Variants in NLK observed in about 807,000 individuals in gnomAD.
NLK encodes serine/threonine-protein kinase NLK.
A neutral mutation model predicts 59.0 loss-of-function variants in NLK; 11 were observed. The observed-to-expected ratio is 0.19, with a 90% CI of 0.12 to 0.31. The LOEUF is 0.31. Ranked by LOEUF, NLK falls within the 10% of genes least tolerant of loss-of-function variation. The pLI is 1.00. For synonymous variants in NLK, 235 were observed against 235.9 expected (o/e 1.00, Z 0.03); for missense variants, 410 against 661.1 (o/e 0.62, Z 4.16).
intron 5 of NLK, among the ~76,000 whole-genome samples, chr17:28,166,222 A>G (rs1429238067): frequency 6.6e-6 from 1 of 152,178 alleles, no homozygotes; most frequent in African/African-American, 2.4e-5. Flanking sequence ...CAAAAAATAT[A>G]TATATATATA....
intron 1 of NLK, among the ~76,000 whole-genome samples, chr17:28,061,651 C>A (rs1309664392): frequency 6.6e-6 from 1 of 151,216 alleles, no homozygotes; most frequent in East Asian, 1.9e-4. Flanking sequence ...ACAAAGAGGT[C>A]ATTTTGTCTG....
At chr17:28,046,292 G>A (rs1327935201) in intron 1 of NLK, among the ~76,000 whole-genome samples, 1 of 152,188 alleles carries the variant, frequency 6.6e-6, no homozygotes, top group Non-Finnish European at 1.5e-5. Flanking sequence ...TAAAAGTAGT[G>A]AATTACTCAT....
At chr17:28,165,359 T>C (rs1301665826) in intron 5 of NLK, among the ~76,000 whole-genome samples, 1 of 152,186 alleles carries the variant, frequency 6.6e-6, no homozygotes, top group Non-Finnish European at 1.5e-5. Context: ...TTCCAAATTG[T>C]CCGTTATGGT....
At chr17:28,151,850 G>C (rs1395456641) in intron 3 of NLK, among the ~76,000 whole-genome samples, 1 of 152,214 alleles carries the variant, frequency 6.6e-6, no homozygotes, top group Non-Finnish European at 1.5e-5. Flanking sequence ...AGTGACATAA[G>C]TGATGTAGTC....
In NLK at chr17:28,161,241, A is replaced by G. The variant is rs756191240; in HGVS notation, c.726A>G (p.Lys242=). Residue 242 remains lysine (K), a synonymous_variant, in exon 4 of 11, where the codon AAA becomes AAG. Coordinates refer to ENST00000407008, the MANE Select transcript of NLK (RefSeq NM_016231.5). ...SPQPLSSDHV[K]VFLYQILRGL... ...AACCACTCAGCTCAGATCATGTCAA[A>G]GTTTTTCTTTATCAGATTTTGCGAG... The G allele has an allele frequency of 1.2e-6, 2 of 1,609,362 alleles. No individual in the cohort carries two copies. Among genetic ancestry groups the G allele is most frequent in the Non-Finnish European group, 1.7e-6 (2 of 1,175,710 alleles).
intron 7 of NLK, among the ~76,000 whole-genome samples, chr17:28,183,835 C>G (rs1909010287): frequency 6.6e-6 from 1 of 152,066 alleles, no homozygotes; most frequent in South Asian, 2.1e-4. Flanking sequence ...CTAGAACTTT[C>G]AAAGCTTGAG....
intron 3 of NLK, among the ~76,000 whole-genome samples, chr17:28,137,996 G>C (rs1400760559): frequency 1.3e-5 from 2 of 151,836 alleles, no homozygotes; most frequent in Non-Finnish European, 2.9e-5. Flanking sequence ...TTTTCATTTT[G>C]TACTTTGAGT....
In NLK at chr17:28,067,186, A is replaced by C. The variant is rs79292524; in HGVS notation, c.458+23855A>C. On this transcript the variant is annotated intron_variant, in intron 1 of 10. Transcript: ENST00000407008. Reference sequence around the variant, plus strand: ...ACTCTTTGCCTGACCCAGGTCATGAAGAATTCTGCGTTTTCTTCTAAAAGT... The same window carrying C: ...ACTCTTTGCCTGACCCAGGTCATGACGAATTCTGCGTTTTCTTCTAAAAGT... 2.1e-3 allele frequency among the ~76,000 whole-genome samples: 316 copies of C among 152,346 alleles called. 1 individual carries two copies. Among genetic ancestry groups the C allele is most frequent in the African/African-American group, 6.6e-3 (273 of 41,590 alleles).
rs376986913 is a variant in NLK, at chr17:28,148,376, A to C, written c.645-12784A>C. On this transcript the variant is annotated intron_variant, in intron 3 of 10. Coordinates refer to ENST00000407008, the MANE Select transcript of NLK (RefSeq NM_016231.5). ...ACTTAAAAAATATGAGGGGATATGA[A>C]TCTATTTAAGCATATATGATTCATA... Among the ~76,000 whole-genome samples, 96 of 152,292 alleles carry C rather than the reference A, an allele frequency of 6.3e-4. No individual in the cohort carries two copies. In the Middle Eastern group the frequency reaches 0.017, roughly 27 times the overall value.
intron 1 of NLK, among the ~76,000 whole-genome samples, chr17:28,117,707 T>C (rs1238027370): frequency 6.6e-6 from 1 of 152,180 alleles, no homozygotes; most frequent in Non-Finnish European, 1.5e-5. Context: ...TTGGGAATCA[T>C]TTTATATATC....
chr17:28,190,637 A>T (rs1214663142), intron 8 of NLK, among the ~76,000 whole-genome samples: 1 of 152,126 alleles, frequency 6.6e-6, no homozygotes, highest in Admixed American at 6.6e-5. Flanking sequence ...CATCTTCAGG[A>T]TGCTGACACA....
intron 1 of NLK, among the ~76,000 whole-genome samples, chr17:28,105,595 T>C (rs1041185089): frequency 1.3e-5 from 2 of 152,154 alleles, no homozygotes; most frequent in Non-Finnish European, 2.9e-5. Flanking sequence ...AAAAATTGAT[T>C]TGGGAAAAAG....
chr17:28,163,424 A>C, intron 4 of NLK, 119 bp from the exon 5 acceptor site: 1 of 615,598 alleles, frequency 1.6e-6, no homozygotes, highest in Non-Finnish European at 2.9e-6. Flanking sequence ...AATGTTCATT[A>C]TGCAGTTATT....
chr17:28,116,207 C>T (rs910641123), intron 1 of NLK: 1 of 160,562 alleles, frequency 6.2e-6, no homozygotes, highest in Non-Finnish European at 1.4e-5. Context: ...TGGGTGGATG[C>T]CTTGGATAAT....
At chr17:28,061,447 G>T (rs910814231) in intron 1 of NLK, among the ~76,000 whole-genome samples, 5 of 152,084 alleles carry the variant, frequency 3.3e-5, no homozygotes, top group African/African-American at 9.7e-5. Flanking sequence ...AGTTTCTAAC[G>T]TGAATTTGAG....
chr17:28,122,485 A>G, intron 1 of NLK, 118 bp from the exon 2 acceptor site: 2 of 1,029,114 alleles, frequency 1.9e-6, no homozygotes, highest in Non-Finnish European at 1.4e-6. Context: ...CATTAAGTGG[A>G]CTTAATGTTG....
At chr17:28,138,637 T>G (rs1432662640) in intron 3 of NLK, among the ~76,000 whole-genome samples, 3 of 152,170 alleles carry the variant, frequency 2.0e-5, no homozygotes, top group African/African-American at 7.2e-5. Context: ...GCATATATGC[T>G]TATGTAAGTG....
intron 8 of NLK, among the ~76,000 whole-genome samples, chr17:28,187,502 A>G (rs892558825): frequency 2.6e-5 from 4 of 152,146 alleles, no homozygotes; most frequent in Non-Finnish European, 4.4e-5. Flanking sequence ...GGGTTTCACC[A>G]TGTTGGTCAG....
At position 28,193,662 on chromosome 17, in the gene NLK, C is replaced by T. The variant is rs568064500; in HGVS notation, c.1530-920C>T. On this transcript the variant is annotated intron_variant, in intron 10 of 10. Transcript: ENST00000407008. ...TCTCTATCTTCCCCGCTGCCTTTCT[C>T]CTCTCCTTTTTCTCTCTTCCTGCTG... 7.9e-5 allele frequency among the ~76,000 whole-genome samples: 12 copies of T among 152,284 alleles called. No homozygotes were observed. The South Asian group carries it at 2.1e-3, about 26-fold the overall frequency.
Sources: gnomAD v4.1 joint callset for allele counts (sites outside exome capture counted in the v4.1 genomes callset) on GRCh38, gnomAD v4.1.1 for gene constraint, MANE v1.5 for transcripts, NCBI Gene and HGNC (gene_info 2026-07-23, HGNC 2026-07-21) for gene names.